TMC5: variants seen among roughly 807,000 people sequenced by gnomAD.
TMC5 encodes transmembrane channel like 5.
In TMC5, 86 loss-of-function variants were observed where a neutral mutation model predicts 110.5. The observed-to-expected ratio is 0.78, with a 90% CI of 0.65 to 0.93. The LOEUF (loss-of-function observed/expected upper bound fraction) is 0.93. Among genes scored for constraint, TMC5 ranks in the 40% least tolerant of loss-of-function variants. The pLI, the probability that TMC5 is intolerant of heterozygous loss-of-function variation, is 0.00. For missense variants in TMC5, 1,144 were observed against 1,222.8 expected (o/e 0.94, Z 0.96); for synonymous variants, 455 against 439.5 (o/e 1.04, Z -0.44).
chr16:19,436,273 G>GAAAAAAGAAAA, intron 2 of TMC5, among the ~76,000 whole-genome samples: 1 of 107,594 alleles, frequency 9.3e-6, no homozygotes, highest in East Asian at 2.8e-4. Flanking sequence ...GTCTCAAAAA[G>GAAAAAAGAAAA]AAAAAAAAAA....
chr16:19,414,537 A>G (rs759241516), upstream of TMC5, among the ~76,000 whole-genome samples: 6 of 152,140 alleles, frequency 3.9e-5, no homozygotes, highest in Non-Finnish European at 8.8e-5. Flanking sequence ...TGACCGTGCT[A>G]TTCATACTGT....
chr16:19,481,344 G>A (rs376485604), intron 14 of TMC5, 26 bp from the exon 15 acceptor site: 10 of 1,526,692 alleles, frequency 6.6e-6, no homozygotes, highest in Middle Eastern at 3.4e-4. Context: ...TATGGTTTGG[G>A]TACTAAACTC....
chr16:19,456,283 C>CAT (rs921128891), intron 5 of TMC5, among the ~76,000 whole-genome samples: 7 of 149,346 alleles, frequency 4.7e-5, no homozygotes, highest in African/African-American at 7.4e-5. Flanking sequence ...ATATTTAGAA[C>CAT]ATATATATAT....
Position 19,494,257 on chromosome 16 carries a change from G to A in TMC5, c.2827-5G>A, listed in dbSNP as rs1348016613. Reference sequence around the variant, plus strand: ...TCTTTCTGGTTTTGTTTTCCTTCTTGGTAGGAGGGCAAAGATAAAATGTTC... The same window carrying A: ...TCTTTCTGGTTTTGTTTTCCTTCTTAGTAGGAGGGCAAAGATAAAATGTTC... On this transcript the variant is annotated splice_region_variant and splice_polypyrimidine_tract_variant and intron_variant, in intron 19 of 21. Transcript: ENST00000542583. The A allele has an allele frequency of 6.2e-7, 1 of 1,605,970 alleles. No individual in the cohort carries two copies. Among genetic ancestry groups the A allele is most frequent in the East Asian group, 2.2e-5 (1 of 44,510 alleles).
At chr16:19,447,093 A>G (rs1035469763) in intron 4 of TMC5, among the ~76,000 whole-genome samples, 1 of 152,184 alleles carries the variant, frequency 6.6e-6, no homozygotes, top group Non-Finnish European at 1.5e-5. Flanking sequence ...CATAACAAAC[A>G]ACTCCAAAAA....
rs1045467576 is a variant in TMC5, at chr16:19,498,404, A to T, written c.*438A>T. On this transcript the variant is annotated 3_prime_UTR_variant, in exon 22 of 22. Transcript: ENST00000542583. ...ATAAACATGTAATACTCCAGCAGGG[A>T]TATGAAGCCTCTGAATTGTAGAACC... is the stretch of plus-strand genomic sequence containing the variant. 6.1e-6 allele frequency: 1 copy of T among 164,382 alleles called. No homozygotes were observed. Among genetic ancestry groups the T allele is most frequent in the Non-Finnish European group, 1.3e-5 (1 of 76,378 alleles). The allele number at this position is 164,382 out of a possible 1,614,324, so 10.2% of individuals were successfully genotyped here. A position where few individuals can be genotyped will look rare whatever the true frequency, so the allele number is the denominator to read the frequency against.
Position 19,463,268 on chromosome 16 carries a change from T to C in TMC5, c.1149-12T>C. The C allele has an allele frequency of 6.2e-7, 1 of 1,601,734 alleles. No homozygotes were observed. The highest frequency in any genetic ancestry group is 8.6e-7 in the Non-Finnish European group (1 of 1,168,758). ...ATTTGTATCTCTCATTTTCTCTTGC[T>C]GTTCCCTACAGGAAAATAGTTGACA... On this transcript the variant is annotated splice_polypyrimidine_tract_variant and intron_variant, in intron 6 of 21. Transcript: ENST00000542583.
chr16:19,458,383 T>C (rs974603693), intron 5 of TMC5, among the ~76,000 whole-genome samples: 10 of 151,886 alleles, frequency 6.6e-5, no homozygotes, highest in Non-Finnish European at 8.8e-5. Context: ...GCTAATTTTT[T>C]TGTATTTTTA....
At chr16:19,420,104 GGC>G (rs1308233429) in intron 1 of TMC5, among the ~76,000 whole-genome samples, 1 of 152,110 alleles carries the variant, frequency 6.6e-6, no homozygotes, top group Non-Finnish European at 1.5e-5. Context: ...TGGGACTACA[GGC>G]GTGCACCACC....
intron 2 of TMC5, among the ~76,000 whole-genome samples, chr16:19,434,529 G>T (rs1967300230): frequency 2.0e-5 from 3 of 148,788 alleles, no homozygotes; most frequent in African/African-American, 5.0e-5. Flanking sequence ...TTGCTATGTT[G>T]CCCAGGCTGG....
intron 13 of TMC5, among the ~76,000 whole-genome samples, chr16:19,478,365 C>T (rs1475088637): frequency 6.6e-6 from 1 of 152,174 alleles, no homozygotes; most frequent in African/African-American, 2.4e-5. Flanking sequence ...GAACATGGCA[C>T]CCTCAACTTC....
chr16:19,456,934 G>A (rs1448186707), intron 5 of TMC5: 2 of 1,614,044 alleles, frequency 1.2e-6, no homozygotes, highest in African/African-American at 2.7e-5. Context: ...CAACATCTTT[G>A]AATGAGTCGA....
chr16:19,426,507 C>G (rs1433550707), intron 1 of TMC5, among the ~76,000 whole-genome samples: 2 of 152,158 alleles, frequency 1.3e-5, no homozygotes, highest in African/African-American at 4.8e-5. Context: ...AGCATCCTTT[C>G]TTGTTGGATA....
chr16:19,481,444 T>G lies in TMC5; in HGVS notation c.2342T>G (p.Ile781Ser). 6.2e-7 allele frequency: 1 copy of G among 1,613,848 alleles called. No individual in the cohort carries two copies. The highest frequency in any genetic ancestry group is 8.5e-7 in the Non-Finnish European group (1 of 1,179,738). ...FDIARNVLEL[I>S]YAQTLVWIGI... ...ATTGCCAGGAACGTTCTAGAACTGA[T>G]CTATGCACAAACTCTGGTGTGGTAA... The change falls in exon 15 of 22, where the codon ATC (isoleucine) becomes AGC (serine). Residue 781 changes from isoleucine to serine, a missense_variant. Physicochemically the swap from Ile to Ser is moderately radical, Grantham distance 142 (BLOSUM62 -2). Coordinates refer to ENST00000542583, the MANE Select transcript of TMC5 (RefSeq NM_001261841.2).
At chr16:19,423,084 G>A (rs972827684) in intron 1 of TMC5, among the ~76,000 whole-genome samples, 5 of 152,198 alleles carry the variant, frequency 3.3e-5, no homozygotes, top group Non-Finnish European at 7.3e-5. Context: ...TGGTTGCACC[G>A]CTGCACTTAC....
At chr16:19,473,012 T>G (rs935592912) in intron 11 of TMC5, among the ~76,000 whole-genome samples, 4 of 152,026 alleles carry the variant, frequency 2.6e-5, no homozygotes, top group Non-Finnish European at 1.5e-5. Flanking sequence ...GAGTGCTGCC[T>G]CCTCCTGGAG....
chr16:19,468,270 C>T (rs1414487449), intron 9 of TMC5, among the ~76,000 whole-genome samples: 1 of 152,130 alleles, frequency 6.6e-6, no homozygotes, highest in African/African-American at 2.4e-5. Flanking sequence ...CCATCATGCC[C>T]GGCCAGAAAT....
chr16:19,449,749 A>C, intron 5 of TMC5, 118 bp downstream of exon 5: 1 of 859,282 alleles, frequency 1.2e-6, no homozygotes, highest in South Asian at 1.5e-5. Context: ...GGTTTCCCCC[A>C]TGCTGTTCTC....
rs184711151 is a variant in TMC5 at position 19,480,792 on chromosome 16, G to A, written c.2268-578G>A. 1.6e-4 allele frequency among the ~76,000 whole-genome samples: 21 copies of A among 134,796 alleles called. 2 individuals carry two copies. In the East Asian group the frequency reaches 3.5e-3, roughly 22 times the overall value. The allele number at this position is 134,796 out of a possible 152,430, so 88.4% of individuals were successfully genotyped here. On this transcript the variant is annotated intron_variant, in intron 14 of 21. Coordinates refer to ENST00000542583, the MANE Select transcript of TMC5 (RefSeq NM_001261841.2). ...TGCCCTCCACCCTGGGTGACACAGC[G>A]AGACTCCATCTCAAAAAAAAAAAAA...
Sources: gnomAD v4.1 joint callset for allele counts (sites outside exome capture counted in the v4.1 genomes callset) on GRCh38, gnomAD v4.1.1 for gene constraint, MANE v1.5 for transcripts, NCBI Gene and HGNC (gene_info 2026-07-23, HGNC 2026-07-21) for gene names.